Variants in HAPLN1 observed in about 807,000 individuals in gnomAD.
HAPLN1 encodes the protein Cartilage link protein.
A neutral mutation model predicts 36.5 loss-of-function variants in HAPLN1; 13 were observed. That is an observed-to-expected ratio of 0.36 (90% CI 0.23 to 0.57). The LOEUF (loss-of-function observed/expected upper bound fraction) is 0.57, where lower values mean the gene tolerates loss of function less well. Ranked by LOEUF, HAPLN1 falls within the 20% of genes least tolerant of loss-of-function variation. HAPLN1 has a pLI of 0.83. For missense variants in HAPLN1, 407 were observed against 439.7 expected (o/e 0.93, Z 0.66); for synonymous variants, 202 against 169.8 (o/e 1.19, Z -1.48).
At chr5:83,683,931 C>G (rs1751061095) in intron 1 of HAPLN1, among the ~76,000 whole-genome samples, 1 of 152,084 alleles carries the variant, frequency 6.6e-6, no homozygotes, top group Admixed American at 6.6e-5. Context: ...AGGGCCCCTA[C>G]TGCTGAGAAG....
intron 2 of HAPLN1, among the ~76,000 whole-genome samples, chr5:83,666,831 T>C (rs1305288471): frequency 6.6e-6 from 1 of 152,146 alleles, no homozygotes; most frequent in Non-Finnish European, 1.5e-5. Context: ...ATGGTTTATA[T>C]TTCCACAGAG....
chr5:83,702,045 C>T (rs575461592), intron 1 of HAPLN1, among the ~76,000 whole-genome samples: 16 of 152,010 alleles, frequency 1.1e-4, no homozygotes, highest in African/African-American at 3.9e-4. Context: ...TGGCACAATG[C>T]AAGGTTACCG....
At chr5:83,668,538 A>C (rs1328532319) in intron 2 of HAPLN1, among the ~76,000 whole-genome samples, 1 of 152,234 alleles carries the variant, frequency 6.6e-6, no homozygotes, top group East Asian at 1.9e-4. Context: ...GCTGATGCCA[A>C]CATTACGGAG....
chr5:83,652,538 G>T lies in HAPLN1; in HGVS notation c.387C>A (p.Leu129=). The change falls in exon 3 of 5, where the codon CTC becomes CTA. Residue 129 remains leucine (L), a synonymous_variant. Transcript: ENST00000274341. ...DSDASLVITD[L]TLEDYGRYKC... Reference sequence around the variant, plus strand: ...TATATCTCCCATAATCTTCCAGAGTGAGGTCTGTGATGACCAGAGAAGCAT... The same window carrying T: ...TATATCTCCCATAATCTTCCAGAGTTAGGTCTGTGATGACCAGAGAAGCAT... 6.2e-7 allele frequency: 1 copy of T among 1,614,132 alleles called. No individual in the cohort carries two copies. Among genetic ancestry groups the T allele is most frequent in the Non-Finnish European group, 8.5e-7 (1 of 1,179,976 alleles).
chr5:83,663,965 T>C (rs1436466708), intron 2 of HAPLN1, among the ~76,000 whole-genome samples: 1 of 152,152 alleles, frequency 6.6e-6, no homozygotes, highest in African/African-American at 2.4e-5. Flanking sequence ...CATGGTCTTT[T>C]ATAAATGTAA....
chr5:83,686,624 A>C (rs559409556), intron 1 of HAPLN1, among the ~76,000 whole-genome samples: 3 of 152,284 alleles, frequency 2.0e-5, no homozygotes, highest in Admixed American at 2.0e-4. Context: ...ATGCTGACTA[A>C]AATTGTAATA....
intron 1 of HAPLN1, among the ~76,000 whole-genome samples, chr5:83,695,629 TAG>T (rs1751376829): frequency 1.2e-5 from 1 of 80,486 alleles, no homozygotes; most frequent in Non-Finnish European, 3.4e-5. Context: ...TATATCTATA[TAG>T]ATAAATATAT....
At chr5:83,718,292 T>A (rs1751956736) in intron 1 of HAPLN1, among the ~76,000 whole-genome samples, 1 of 152,182 alleles carries the variant, frequency 6.6e-6, no homozygotes, top group South Asian at 2.1e-4. Context: ...CCTGAGCACC[T>A]ATCCCAATGT....
intron 3 of HAPLN1, among the ~76,000 whole-genome samples, chr5:83,645,471 C>CTTTTTTTTTTTTTTTTT (rs1423821503): frequency 4.9e-5 from 1 of 20,320 alleles, no homozygotes; most frequent in Admixed American, 7.4e-4. Context: ...TTTTCTTTTT[C>CTTTTTTTTTTTTTTTTT]TTTCTTTTTT....
intron 2 of HAPLN1, among the ~76,000 whole-genome samples, chr5:83,662,617 A>C (rs1415368458): frequency 6.6e-6 from 1 of 152,198 alleles, no homozygotes; most frequent in Non-Finnish European, 1.5e-5. Flanking sequence ...ACTCTCTAGG[A>C]GTTTAACTAT....
intron 3 of HAPLN1, among the ~76,000 whole-genome samples, chr5:83,647,638 C>T (rs967339818): frequency 3.3e-5 from 5 of 152,012 alleles, no homozygotes; most frequent in Non-Finnish European, 7.4e-5. Context: ...CAAATGGTTG[C>T]TTTTATCCAA....
chr5:83,656,436 TAA>T (rs36012664), intron 2 of HAPLN1, among the ~76,000 whole-genome samples: 167 of 143,254 alleles, frequency 1.2e-3, no homozygotes, highest in Middle Eastern at 0.011. Context: ...AGTATTGCTT[TAA>T]AAAAAAAAAA....
chr5:83,649,104 G>A (rs1268895661), intron 3 of HAPLN1, among the ~76,000 whole-genome samples: 1 of 152,172 alleles, frequency 6.6e-6, no homozygotes, highest in Admixed American at 6.5e-5. Context: ...AAATTATTCA[G>A]TGGTAGTGGG....
intron 1 of HAPLN1, among the ~76,000 whole-genome samples, chr5:83,710,289 G>A (rs1483737699): frequency 2.0e-5 from 3 of 152,184 alleles, no homozygotes; most frequent in Non-Finnish European, 4.4e-5. Flanking sequence ...TTAGAAGCCT[G>A]AAATGGAGAC....
At chr5:83,716,287 T>C (rs185801421) in intron 1 of HAPLN1, among the ~76,000 whole-genome samples, 2 of 152,230 alleles carry the variant, frequency 1.3e-5, no homozygotes, top group Non-Finnish European at 2.9e-5. Context: ...GTGTTCTTTT[T>C]GGATGTTAGA....
chr5:83,659,687 C>G (rs758886752), intron 2 of HAPLN1, among the ~76,000 whole-genome samples: 48 of 152,190 alleles, frequency 3.2e-4, no homozygotes, highest in Non-Finnish European at 5.1e-4. Flanking sequence ...CATAATTATA[C>G]TATATTATTA....
At chr5:83,679,574 T>C (rs1176744732) in intron 1 of HAPLN1, among the ~76,000 whole-genome samples, 1 of 152,208 alleles carries the variant, frequency 6.6e-6, no homozygotes, top group Non-Finnish European at 1.5e-5. Flanking sequence ...CTATATTTCA[T>C]ATTTATTACA....
chr5:83,697,607 A>G (rs1380160687), intron 1 of HAPLN1, among the ~76,000 whole-genome samples: 1 of 152,150 alleles, frequency 6.6e-6, no homozygotes, highest in Non-Finnish European at 1.5e-5. Flanking sequence ...GAAACTGCCA[A>G]ACTGTATTCC....
intron 1 of HAPLN1, among the ~76,000 whole-genome samples, chr5:83,699,382 A>T (rs963414550): frequency 5.3e-5 from 8 of 152,226 alleles, no homozygotes; most frequent in Non-Finnish European, 1.0e-4. Flanking sequence ...TACAGTTCAG[A>T]TTGTAAATCA....
Sources: allele counts gnomAD v4.1 joint callset (sites outside exome capture counted in the v4.1 genomes callset), GRCh38; gene constraint gnomAD v4.1.1; transcripts MANE v1.5; gene names NCBI Gene and HGNC (gene_info 2026-07-23, HGNC 2026-07-21).